OPRD1: variants seen among roughly 807,000 people sequenced by gnomAD.
OPRD1 encodes the protein opioid receptor delta 1, also known as delta-type opioid receptor.
A neutral mutation model predicts 17.5 loss-of-function variants in OPRD1; 19 were observed. The ratio of observed to expected loss-of-function variants is 1.09; its 90% CI spans 0.76 to 1.60. OPRD1 has a LOEUF of 1.60. OPRD1 is among the 40% of genes most tolerant of loss of function. OPRD1 has a pLI of 0.00. For missense variants in OPRD1, 483 were observed against 547.2 expected, an observed-to-expected ratio of 0.88 and a Z score of 1.17; for synonymous variants, 256 against 240.9, an observed-to-expected ratio of 1.06 and a Z score of -0.58.
At chr1:28,845,159 A>G (rs1380700778) in intron 1 of OPRD1, among the ~76,000 whole-genome samples, 3 of 151,864 alleles carry the variant, frequency 2.0e-5, no homozygotes, top group Non-Finnish European at 4.4e-5. Flanking sequence ...CCTTACCAAT[A>G]TGGTGAAACC....
chr1:28,831,588 A>T (rs1275844383), intron 1 of OPRD1, among the ~76,000 whole-genome samples: 1 of 152,008 alleles, frequency 6.6e-6, no homozygotes, highest in Non-Finnish European at 1.5e-5. Flanking sequence ...AGAACTGCTG[A>T]CTTTTTTCTT....
At chr1:28,832,424 C>G (rs2088816122) in intron 1 of OPRD1, among the ~76,000 whole-genome samples, 1 of 151,960 alleles carries the variant, frequency 6.6e-6, no homozygotes, top group Non-Finnish European at 1.5e-5. Context: ...TCAAGACCAA[C>G]CTGGGCAGCA....
intron 1 of OPRD1, among the ~76,000 whole-genome samples, chr1:28,814,748 C>T (rs1477846064): frequency 6.6e-6 from 1 of 152,208 alleles, no homozygotes; most frequent in Non-Finnish European, 1.5e-5. Flanking sequence ...CACAGCCTTC[C>T]CGGAATCGCA....
intron 1 of OPRD1, among the ~76,000 whole-genome samples, chr1:28,848,387 G>C (rs779430832): frequency 6.6e-6 from 1 of 152,268 alleles, no homozygotes; most frequent in Non-Finnish European, 1.5e-5. Context: ...ATCTAAGCCA[G>C]GGTCCCTCCA....
chr1:28,861,908 CT>C (rs11307166), intron 2 of OPRD1, among the ~76,000 whole-genome samples: 71,802 of 144,102 alleles, frequency 0.5, 19,493 homozygotes, highest in East Asian at 0.78. Context: ...CTTTTCTTTT[CT>C]TTTCTTTTTT....
At chr1:28,836,937 G>T (rs1166027621) in intron 1 of OPRD1, among the ~76,000 whole-genome samples, 1 of 152,104 alleles carries the variant, frequency 6.6e-6, no homozygotes, top group Non-Finnish European at 1.5e-5. Context: ...GCAGGGTGGG[G>T]GAACGGGGAT....
In OPRD1 at chr1:28,869,443, C is replaced by A. The variant is rs1479891891; in HGVS notation, c.*6160C>A. 1 of 152,204 alleles carries A rather than the reference C, an allele frequency of 6.6e-6. No homozygotes were observed. The highest frequency in any genetic ancestry group is 1.5e-5 in the Non-Finnish European group (1 of 68,068). The allele number at this position is 152,204 out of a possible 1,614,324, so 9.4% of individuals were successfully genotyped here. A position where few individuals can be genotyped will look rare whatever the true frequency, so the allele number is the denominator to read the frequency against. ...GGGGATGAGCCGTTTCAGAGTGTGGCACTCTGTCACACTCCATTTCATTGA... is the reference window on the plus strand; with the variant it reads ...GGGGATGAGCCGTTTCAGAGTGTGGAACTCTGTCACACTCCATTTCATTGA... On this transcript the variant is annotated 3_prime_UTR_variant, in exon 3 of 3. Transcript: ENST00000234961.
intron 2 of OPRD1, among the ~76,000 whole-genome samples, chr1:28,861,449 T>G (rs1047572250): frequency 7.9e-5 from 12 of 152,126 alleles, no homozygotes; most frequent in African/African-American, 2.9e-4. Flanking sequence ...TTGTTTTGTT[T>G]TTGTTGTTGT....
intron 1 of OPRD1, among the ~76,000 whole-genome samples, chr1:28,851,803 G>A (rs1378522524): frequency 3.3e-5 from 5 of 149,516 alleles, no homozygotes; most frequent in Admixed American, 6.7e-5. Flanking sequence ...CCGGGGAGGC[G>A]GAGGTTGCGC....
intron 1 of OPRD1, among the ~76,000 whole-genome samples, chr1:28,828,135 A>C (rs2124266177): frequency 6.6e-6 from 1 of 152,268 alleles, no homozygotes; most frequent in African/African-American, 2.4e-5. Flanking sequence ...GACAGCTGTA[A>C]CCTTACAAAA....
At chr1:28,818,102 T>G (rs2088684388) in intron 1 of OPRD1, among the ~76,000 whole-genome samples, 3 of 152,332 alleles carry the variant, frequency 2.0e-5, no homozygotes, top group African/African-American at 7.2e-5. Flanking sequence ...GGCTGTAGCA[T>G]AGCACCTGGC....
At chr1:28,830,321 G>C (rs1001071020) in intron 1 of OPRD1, among the ~76,000 whole-genome samples, 2 of 151,812 alleles carry the variant, frequency 1.3e-5, no homozygotes, top group Non-Finnish European at 2.9e-5. Context: ...CCAGGAGTTC[G>C]AGACCAGCCC....
In OPRD1 at chr1:28,824,554, G is replaced by A. The variant is rs937132926; in HGVS notation, c.227+11944G>A. On this transcript the variant is annotated intron_variant, in intron 1 of 2. Coordinates refer to ENST00000234961, the MANE Select transcript of OPRD1 (RefSeq NM_000911.4). ...AGGATGGTCTTGATCTCCTGACCTTGTGATCCGCCCGCCTCGGCCTCCCAA... is the reference window on the plus strand; with the variant it reads ...AGGATGGTCTTGATCTCCTGACCTTATGATCCGCCCGCCTCGGCCTCCCAA... Among the ~76,000 whole-genome samples the A allele has an allele frequency of 1.1e-4, 16 of 151,756 alleles. 1 individual carries two copies. In the South Asian group the frequency reaches 3.3e-3, roughly 32 times the overall value.
At chr1:28,834,055 G>A (rs1457627881) in intron 1 of OPRD1, among the ~76,000 whole-genome samples, 1 of 152,084 alleles carries the variant, frequency 6.6e-6, no homozygotes, top group African/African-American at 2.4e-5. Flanking sequence ...GGGATTACAG[G>A]TGCACTCCAC....
rs139355405 is a variant in OPRD1 at position 28,842,714 on chromosome 1, G to A, written c.228-16240G>A. Among the ~76,000 whole-genome samples the A allele has an allele frequency of 1.7e-3, 260 of 152,254 alleles. 3 individuals carry two copies. The highest frequency in any genetic ancestry group is 9.8e-3 in the South Asian group (47 of 4,818). On this transcript the variant is annotated intron_variant, in intron 1 of 2. Transcript: ENST00000234961. Reference sequence around the variant, plus strand: ...GTATCTCACGGTCAACAGAGGTTCAGCCAGAGCTTTCCAGTCCCTACCCCC... The same window carrying A: ...GTATCTCACGGTCAACAGAGGTTCAACCAGAGCTTTCCAGTCCCTACCCCC...
rs1361554087 is a variant in OPRD1 at position 28,827,418 on chromosome 1, C to A, written c.227+14808C>A. On this transcript the variant is annotated intron_variant, in intron 1 of 2. Coordinates refer to ENST00000234961, the MANE Select transcript of OPRD1 (RefSeq NM_000911.4). ...GATCATAGCTCACTACAGCCCCAAA[C>A]TCCTGGGCCCAAGTGATCCTCTTGC... 2.0e-5 allele frequency among the ~76,000 whole-genome samples: 3 copies of A among 152,108 alleles called. No individual in the cohort carries two copies. In the East Asian group the frequency reaches 5.8e-4, roughly 29 times the overall value.
intron 1 of OPRD1, among the ~76,000 whole-genome samples, chr1:28,816,719 C>CA (rs2088673672): frequency 6.6e-6 from 1 of 152,102 alleles, no homozygotes; most frequent in Non-Finnish European, 1.5e-5. Context: ...AGCACGATGA[C>CA]TCGTGCTGGC....
chr1:28,863,595 G>T lies in OPRD1; in HGVS notation c.*312G>T. The T allele has an allele frequency of 3.0e-6, 1 of 338,232 alleles. No homozygotes were observed. The allele number at this position is 338,232 out of a possible 1,614,324, so 21.0% of individuals were successfully genotyped here. A position where few individuals can be genotyped will look rare whatever the true frequency, so the allele number is the denominator to read the frequency against. On this transcript the variant is annotated 3_prime_UTR_variant, in exon 3 of 3. Transcript: ENST00000234961. ...GAGCGGGACCTGTGGCTCTACAACT[G>T]AGTCCTTAAACAGGGCATCTCCAGG...
intron 1 of OPRD1, among the ~76,000 whole-genome samples, chr1:28,857,814 A>AC (rs2089070823): frequency 6.6e-6 from 1 of 150,482 alleles, no homozygotes; most frequent in African/African-American, 2.5e-5. Context: ...TGTTTTTGAG[A>AC]CGGAGTCTCG....
Sources: gnomAD v4.1 joint callset for allele counts (sites outside exome capture counted in the v4.1 genomes callset) on GRCh38, gnomAD v4.1.1 for gene constraint, MANE v1.5 for transcripts, NCBI Gene and HGNC (gene_info 2026-07-23, HGNC 2026-07-21) for gene names.